The following CSGALNACT1 variants were observed in gnomAD, a reference collection of about 807,000 sequenced individuals.
The protein encoded by CSGALNACT1 is beta4GalNAcT-1.
CSGALNACT1 carries 52 observed loss-of-function variants against 51.0 expected under a neutral mutation model. That is an observed-to-expected ratio of 1.02 (90% CI 0.82 to 1.29). The LOEUF (loss-of-function observed/expected upper bound fraction) is 1.29. CSGALNACT1 is among the 50% of genes most tolerant of loss of function. CSGALNACT1 has a pLI of 0.00. For missense variants in CSGALNACT1, 935 were observed against 679.2 expected, an observed-to-expected ratio of 1.38 and a Z score of -4.19; for synonymous variants, 341 against 254.4, an observed-to-expected ratio of 1.34 and a Z score of -3.24.
intron 3 of CSGALNACT1, among the ~76,000 whole-genome samples, chr8:19,559,836 C>T (rs2040308674): frequency 6.6e-6 from 1 of 152,108 alleles, no homozygotes; most frequent in Non-Finnish European, 1.5e-5. Context: ...CTTATAGAAT[C>T]AATACAATGC....
chr8:19,596,278 A>T (rs578167914), intron 2 of CSGALNACT1, among the ~76,000 whole-genome samples: 1 of 152,244 alleles, frequency 6.6e-6, no homozygotes, highest in Admixed American at 6.5e-5. Flanking sequence ...TCTTTCAGAC[A>T]CCAGTGTGAT....
chr8:19,712,064 C>T (rs1002663522), intron 1 of CSGALNACT1, among the ~76,000 whole-genome samples: 2 of 152,044 alleles, frequency 1.3e-5, no homozygotes, highest in African/African-American at 4.8e-5. Context: ...CTCGCTCTGT[C>T]ATCCAGGCTG....
At chr8:19,688,942 A>G (rs2061133004) in intron 1 of CSGALNACT1, 1 of 152,268 alleles carries the variant, frequency 6.6e-6, no homozygotes, top group African/African-American at 2.4e-5. Flanking sequence ...GCAGCCATGC[A>G]TGTCCACGTA....
At chr8:19,542,604 G>A (rs1465607926) in intron 3 of CSGALNACT1, among the ~76,000 whole-genome samples, 2 of 152,112 alleles carry the variant, frequency 1.3e-5, no homozygotes, top group African/African-American at 2.4e-5. Context: ...TAATTTCTAT[G>A]GGGGAGTTTT....
At chr8:19,634,581 G>A (rs1411769835) in intron 1 of CSGALNACT1, among the ~76,000 whole-genome samples, 2 of 152,150 alleles carry the variant, frequency 1.3e-5, no homozygotes, top group East Asian at 3.9e-4. Flanking sequence ...TGGATCACTT[G>A]AGCCCAGGAG....
chr8:19,569,460 T>C (rs1386894481), intron 3 of CSGALNACT1, among the ~76,000 whole-genome samples: 1 of 152,142 alleles, frequency 6.6e-6, no homozygotes, highest in South Asian at 2.1e-4. Context: ...GTACTGAATA[T>C]TGCCACCTGG....
chr8:19,513,952 A>G (rs2078983436), intron 3 of CSGALNACT1, among the ~76,000 whole-genome samples: 1 of 152,208 alleles, frequency 6.6e-6, no homozygotes, highest in Non-Finnish European at 1.5e-5. Flanking sequence ...GAAAATGAGC[A>G]TAATAGCTCA....
intron 1 of CSGALNACT1, among the ~76,000 whole-genome samples, chr8:19,746,572 C>G (rs1468332691): frequency 6.6e-6 from 1 of 152,166 alleles, no homozygotes; most frequent in Non-Finnish European, 1.5e-5. Flanking sequence ...TAGTACAGGT[C>G]ATCTCAAACC....
intron 2 of CSGALNACT1, among the ~76,000 whole-genome samples, chr8:19,599,508 G>GAAAGAAAGAAAGAA (rs1564211423): frequency 1.6e-5 from 2 of 122,134 alleles, no homozygotes; most frequent in African/African-American, 6.0e-5. Context: ...AAGAAAGAAA[G>GAAAGAAAGAAAGAA]AAAGAAAGAA....
intron 1 of CSGALNACT1, among the ~76,000 whole-genome samples, chr8:19,613,910 T>C (rs955263832): frequency 6.6e-6 from 1 of 152,228 alleles, no homozygotes; most frequent in African/African-American, 2.4e-5. Flanking sequence ...GGTTGAGGAC[T>C]CCTGAGTTAG....
chr8:19,720,692 C>T (rs975896367), intron 1 of CSGALNACT1, among the ~76,000 whole-genome samples: 1 of 152,188 alleles, frequency 6.6e-6, no homozygotes, highest in African/African-American at 2.4e-5. Flanking sequence ...CCTCTACCTC[C>T]CATCCACTTG....
intron 3 of CSGALNACT1, among the ~76,000 whole-genome samples, chr8:19,508,255 C>G (rs2077757895): frequency 6.6e-6 from 1 of 152,206 alleles, no homozygotes; most frequent in South Asian, 2.1e-4. Context: ...TTGCTATGCA[C>G]TATGTCTACA....
chr8:19,469,567 C>T (rs1217017007), intron 4 of CSGALNACT1, among the ~76,000 whole-genome samples: 1 of 152,066 alleles, frequency 6.6e-6, no homozygotes, highest in African/African-American at 2.4e-5. Flanking sequence ...TCCTTCAATT[C>T]CTTGAAAATG....
intron 4 of CSGALNACT1, among the ~76,000 whole-genome samples, chr8:19,500,551 A>G (rs1361701336): frequency 1.3e-5 from 2 of 152,184 alleles, no homozygotes; most frequent in East Asian, 1.9e-4. Flanking sequence ...GCAGGACCTC[A>G]AATTCTATTT....
At chr8:19,427,461 C>G (rs2058943256) in intron 6 of CSGALNACT1, among the ~76,000 whole-genome samples, 1 of 152,206 alleles carries the variant, frequency 6.6e-6, no homozygotes, top group East Asian at 1.9e-4. Context: ...AAACATCTGG[C>G]ATGAGGCCTC....
intron 1 of CSGALNACT1, among the ~76,000 whole-genome samples, chr8:19,750,751 T>C (rs569265559): frequency 1.0e-3 from 152 of 152,294 alleles, no homozygotes; most frequent in African/African-American, 3.4e-3. Flanking sequence ...CCCTGCAGTG[T>C]CTGGCAGAGT....
intron 1 of CSGALNACT1, chr8:19,732,421 T>C (rs2063743097): frequency 6.6e-6 from 1 of 152,206 alleles, no homozygotes; most frequent in South Asian, 2.1e-4. Flanking sequence ...TCAAGGACCA[T>C]CTCTTGAAAA....
chr8:19,667,193 G>C (rs1236761436), intron 1 of CSGALNACT1, among the ~76,000 whole-genome samples: 3 of 151,710 alleles, frequency 2.0e-5, no homozygotes, highest in Admixed American at 2.0e-4. Context: ...GGCAGAAGTG[G>C]GTGGATCGCT....
intron 1 of CSGALNACT1, among the ~76,000 whole-genome samples, chr8:19,638,505 T>G (rs1163478424): frequency 6.6e-6 from 1 of 152,058 alleles, no homozygotes; most frequent in Non-Finnish European, 1.5e-5. Flanking sequence ...AATATTTTGC[T>G]AAGATAAGGT....
Sources: allele counts gnomAD v4.1 joint callset (sites outside exome capture counted in the v4.1 genomes callset), GRCh38; gene constraint gnomAD v4.1.1; transcripts MANE v1.5; gene names NCBI Gene and HGNC (gene_info 2026-07-23, HGNC 2026-07-21).